CD163: variants seen among roughly 807,000 people sequenced by gnomAD.
The protein encoded by CD163 is CD163 molecule.
Under a neutral mutation model 129.2 loss-of-function variants are expected in CD163, and 64 were observed. The ratio of observed to expected loss-of-function variants is 0.50; its 90% confidence interval spans 0.41 to 0.61. The LOEUF (loss-of-function observed/expected upper bound fraction) is 0.61. Ranked by LOEUF, CD163 falls within the 20% of genes least tolerant of loss-of-function variation. The pLI is 0.00. For missense variants in CD163, 1,061 were observed against 1,377.9 expected (o/e 0.77, Z 3.64); for synonymous variants, 446 against 478.5 (o/e 0.93, Z 0.89).
At chr12:7,478,656 T>C (rs776431830) in intron 16 of CD163, among the ~76,000 whole-genome samples, 1 of 152,060 alleles carries the variant, frequency 6.6e-6, no homozygotes, top group Non-Finnish European at 1.5e-5. Flanking sequence ...CTGCATTTTA[T>C]AGATATTCAC....
chr12:7,487,083 A>G lies in CD163; in HGVS notation c.2051-97T>C. The G allele has an allele frequency of 2.1e-6, 2 of 975,238 alleles. No homozygotes were observed. The highest frequency in any genetic ancestry group is 1.6e-5 in the South Asian group (1 of 64,092). The allele number at this position is 975,238 out of a possible 1,614,324, so 60.4% of individuals were successfully genotyped here. A position where few individuals can be genotyped will look rare whatever the true frequency, so the allele number is the denominator to read the frequency against. ...TGAGTTGAGGACAAACATAGCTTAGAGAGAGAGGGGAAGGTGGATGGTCAA... is the reference window on the plus strand; with the variant it reads ...TGAGTTGAGGACAAACATAGCTTAGGGAGAGAGGGGAAGGTGGATGGTCAA... On this transcript the variant is annotated intron_variant, in intron 8 of 16. Transcript: ENST00000432237. This position sits in a 1 kb window ranked among gnomAD's most constrained non-coding sequence, Gnocchi z 5.1.
Position 7,487,547 on chromosome 12 carries a change from C to G in CD163, c.1862G>C (p.Cys621Ser). 1.9e-6 allele frequency: 3 copies of G among 1,614,124 alleles called. No homozygotes were observed. The highest frequency in any genetic ancestry group is 2.5e-6 in the Non-Finnish European group (3 of 1,180,016). The change falls in exon 8 of 17, where the codon TGC (cysteine) becomes TCC (serine). Residue 621 changes from cysteine (C) to serine (S), a missense_variant. Coordinates refer to ENST00000432237, the MANE Select transcript of CD163 (RefSeq NM_203416.4). The surrounding 1 kb of genome is among the most constrained non-coding windows in gnomAD (Gnocchi z 5.1). ...HWDIEDAHVL[C>S]QQLKCGVALS... ...GGCAACTCCACATTTAAGCTGCTGG[C>G]AAAGAACATGGGCATCTTCTATGTC...
intron 14 of CD163, 101 bp downstream of exon 14, chr12:7,482,542 G>T: frequency 7.6e-7 from 1 of 1,307,740 alleles, no homozygotes. Context: ...ACCTCTTTTA[G>T]AGTCCATCTT....
intron 11 of CD163, among the ~76,000 whole-genome samples, chr12:7,484,409 G>A (rs1273915515): frequency 6.6e-6 from 1 of 152,080 alleles, no homozygotes; most frequent in Non-Finnish European, 1.5e-5. Context: ...GGAGGCCAAG[G>A]CGGGTGGATC....
chr12:7,501,446 C>T lies in CD163; in HGVS notation c.150G>A (p.Glu50=), dbSNP rs1291466685. 2 of 1,613,554 alleles carry T rather than the reference C, an allele frequency of 1.2e-6. No individual in the cohort carries two copies. Among genetic ancestry groups the T allele is most frequent in the Non-Finnish European group, 1.7e-6 (2 of 1,179,746 alleles). ...VTSSLGGTDK[E]LRLVDGENKC... ...TGTTTTCACCATCCACTAGCCTCAG[C>T]TCCTTGTCTGTTCCTCCTGCAACAA... Residue 50 remains glutamate (E), a synonymous_variant, in exon 3 of 17, where the codon GAG becomes GAA. Coordinates refer to ENST00000432237, the MANE Select transcript of CD163 (RefSeq NM_203416.4).
At position 7,483,377 on chromosome 12, in the gene CD163, C is replaced by G; in HGVS notation, c.3078G>C (p.Val1026=). Residue 1026 remains valine, a synonymous_variant, in exon 12 of 17, where the codon GTG becomes GTC. Transcript: ENST00000432237. ...SECGHKEDAA[V]NCTDISVQKT... is the part of the protein sequence containing the mutation. ...GCTTCTGGCACTTACCTGTGCAATT[C>G]ACTGCAGCGTCTTCCTTGTGCCCAC... 1 of 1,612,360 alleles carries G rather than the reference C, an allele frequency of 6.2e-7. No individual in the cohort carries two copies. The highest frequency in any genetic ancestry group is 1.1e-5 in the South Asian group (1 of 90,798).
At position 7,487,248 on chromosome 12, in the gene CD163, T is replaced by C; in HGVS notation, c.2050+111A>G. The C allele has an allele frequency of 1.7e-6, 2 of 1,200,998 alleles. No individual in the cohort carries two copies. The highest frequency in any genetic ancestry group is 2.3e-6 in the Non-Finnish European group (2 of 875,518). The allele number at this position is 1,200,998 out of a possible 1,614,324, so 74.4% of individuals were successfully genotyped here. Reference sequence around the variant, plus strand: ...TAATATTCTGAAGCATGAATTAGTATTCATTCTTCTCATGACCCTTCAAAA... The same window carrying C: ...TAATATTCTGAAGCATGAATTAGTACTCATTCTTCTCATGACCCTTCAAAA... On this transcript the variant is annotated intron_variant, in intron 8 of 16. Coordinates refer to ENST00000432237, the MANE Select transcript of CD163 (RefSeq NM_203416.4). The surrounding 1 kb of genome is among the most constrained non-coding windows in gnomAD (Gnocchi z 5.1).
At position 7,499,155 on chromosome 12, in the gene CD163, C is replaced by A. The variant is rs1177042810; in HGVS notation, c.491G>T (p.Gly164Val). The change falls in exon 4 of 17, where the codon GGA becomes GTA. Residue 164 changes from glycine to valine, a missense_variant. Physicochemically the swap from Gly to Val is moderately radical, Grantham distance 109. Transcript: ENST00000432237. ...TATTCTTCCAGAACACATATTCCCT[C>A]CACGCGTCAGCCTCATTTCCAAATT... ...GSNLEMRLTR[G>V]GNMCSGRIEI... The A allele has an allele frequency of 6.2e-7, 1 of 1,612,916 alleles. No individual in the cohort carries two copies. The highest frequency in any genetic ancestry group is 1.7e-5 in the Admixed American group (1 of 60,022).
At chr12:7,483,182 T>G (rs1459504133) in intron 12 of CD163, 178 bp from the exon 13 acceptor site, 11 of 798,358 alleles carry the variant, frequency 1.4e-5, no homozygotes, top group Non-Finnish European at 2.2e-5. Context: ...TGTATGTGTC[T>G]CCTTGGTGAA....
At position 7,496,277 on chromosome 12, in the gene CD163, T is replaced by C. The variant is rs1949400270; in HGVS notation, c.1099+536A>G. On this transcript the variant is annotated intron_variant, in intron 5 of 16. Coordinates refer to ENST00000432237, the MANE Select transcript of CD163 (RefSeq NM_203416.4). This position sits in a 1 kb window ranked among gnomAD's most constrained non-coding sequence, Gnocchi z 4.8. ...TCACTCATAACTGGGAGTTGAACAATGAGAACACACGGACACAGGGAGGGG... is the reference window on the plus strand; with the variant it reads ...TCACTCATAACTGGGAGTTGAACAACGAGAACACACGGACACAGGGAGGGG... Among the ~76,000 whole-genome samples, 1 of 149,352 alleles carries C rather than the reference T, an allele frequency of 6.7e-6. No individual in the cohort carries two copies. Among genetic ancestry groups the C allele is most frequent in the Admixed American group, 6.7e-5 (1 of 14,936 alleles).
Position 7,480,778 on chromosome 12 carries a change from A to AT in CD163, c.3343+382dup, listed in dbSNP as rs971080006. 6 of 658,016 alleles carry AT rather than the reference A, an allele frequency of 9.1e-6. No individual in the cohort carries two copies. The African/African-American group carries it at 1.2e-4, about 13-fold the overall frequency. The allele number at this position is 658,016 out of a possible 1,614,324, so 40.8% of individuals were successfully genotyped here. A position where few individuals can be genotyped will look rare whatever the true frequency, so the allele number is the denominator to read the frequency against. On this transcript the variant is annotated intron_variant, in intron 15 of 16. Coordinates refer to ENST00000432237, the MANE Select transcript of CD163 (RefSeq NM_203416.4). ...AGTAAGCTTTTTACTATCTATATAC[A>AT]TCCCATAAAATCATGTTGTATACCT...
Position 7,485,298 on chromosome 12 carries a change from A to G in CD163, c.2577T>C (p.Thr859=). ...CCAGCTGCCTGCACACCACACCCAC[A>G]GTGGTTTCAGACATGCTACTCTTGC... is the stretch of plus-strand genomic sequence containing the variant. The part of the protein sequence containing the change: ...TVGKSSMSET[T]VGVVCRQLGC... The change falls in exon 11 of 17, where the codon ACT becomes ACC. Residue 859 remains threonine (T), a synonymous_variant. Transcript: ENST00000432237. The surrounding 1 kb of genome is among the most constrained non-coding windows in gnomAD (Gnocchi z 4.5). The G allele has an allele frequency of 1.9e-6, 3 of 1,614,166 alleles. No individual in the cohort carries two copies. Among genetic ancestry groups the G allele is most frequent in the Non-Finnish European group, 2.5e-6 (3 of 1,180,006 alleles).
rs765588984 is a variant in CD163, at chr12:7,486,938, G to A, written c.2099C>T (p.Pro700Leu). 17 of 1,614,004 alleles carry A rather than the reference G, an allele frequency of 1.1e-5. No individual in the cohort carries two copies. The highest frequency in any genetic ancestry group is 3.3e-5 in the Admixed American group (2 of 59,996). The change falls in exon 9 of 17, where the codon CCA becomes CTA. Residue 700 changes from proline (P) to leucine (L), a missense_variant. Pro to Leu is a moderately conservative substitution (Grantham distance 98). Transcript: ENST00000432237. ...TTCTTCTGGAATGGTAGGCCTTGTTGGGCCCAAAGACGATGAATTGCACGA... is the reference window on the plus strand; with the variant it reads ...TTCTTCTGGAATGGTAGGCCTTGTTAGGCCCAAAGACGATGAATTGCACGA... ...LSSCNSSSLG[P>L]TRPTIPEESA...
At position 7,487,556 on chromosome 12, in the gene CD163, TG is replaced by T. The variant is rs1456179485; in HGVS notation, c.1852del (p.His618MetfsTer47). ...CNSHWDIEDA[H>X]VLCQQLKCGV... Reference sequence around the variant, plus strand: ...ACATTTAAGCTGCTGGCAAAGAACATGGGCATCTTCTATGTCCCAGTGAGAG... The same window carrying T: ...ACATTTAAGCTGCTGGCAAAGAACATGGCATCTTCTATGTCCCAGTGAGAG... On this transcript the variant is annotated frameshift_variant, in exon 8 of 17. Coordinates refer to ENST00000432237, the MANE Select transcript of CD163 (RefSeq NM_203416.4). LOFTEE classifies it high-confidence loss of function. The surrounding 1 kb of genome is among the most constrained non-coding windows in gnomAD (Gnocchi z 5.1). The T allele has an allele frequency of 6.2e-7, 1 of 1,614,094 alleles. No individual in the cohort carries two copies. Among genetic ancestry groups the T allele is most frequent in the Non-Finnish European group, 8.5e-7 (1 of 1,180,014 alleles).
At chr12:7,502,430 C>G (rs1300876212) in intron 2 of CD163, 48 bp downstream of exon 2, 1 of 1,217,942 alleles carries the variant, frequency 8.2e-7, no homozygotes. Context: ...TTTAACTGTT[C>G]TTGTCAGAGT....
At chr12:7,486,063 A>T (rs1235271659) in intron 10 of CD163, among the ~76,000 whole-genome samples, 1 of 152,202 alleles carries the variant, frequency 6.6e-6, no homozygotes, top group Non-Finnish European at 1.5e-5. Context: ...ATGACAAGTA[A>T]GTCTCATTTA....
Position 7,479,572 on chromosome 12 carries a change from ATGATACC to A in CD163, c.*31+281_*31+287del, listed in dbSNP as rs1949134097. ...TAATATGTCTTATCTTTTTCCTGAA[ATGATACC>A]TGTAATGTCTTCAAAAGATTAATTT... On this transcript the variant is annotated intron_variant, in intron 16 of 16. Transcript: ENST00000432237. Among the ~76,000 whole-genome samples the A allele has an allele frequency of 7.2e-5, 11 of 152,236 alleles. No individual in the cohort carries two copies. In the South Asian group the frequency reaches 2.3e-3, roughly 32 times the overall value.
At chr12:7,484,976 T>C in intron 11 of CD163, 120 bp downstream of exon 11, 1 of 885,956 alleles carries the variant, frequency 1.1e-6, no homozygotes, top group South Asian at 1.6e-5. Flanking sequence ...CATTCTTGCT[T>C]AATTCAATCT....
Position 7,501,130 on chromosome 12 carries a change from A to T in CD163, c.457+9T>A, listed in dbSNP as rs116933274. 9.1e-3 allele frequency: 14,740 copies of T among 1,611,452 alleles called. 82 individuals are homozygous for T. The highest frequency in any genetic ancestry group is 0.011 in the Non-Finnish European group (12,703 of 1,177,902). On this transcript the variant is annotated intron_variant, in intron 3 of 16. Transcript: ENST00000432237. ...TTTGTGTTGAGGCTTTGACTAATGC[A>T]AGTCTTACCTGAGCAGGTCACTCCA...
Sources: allele counts gnomAD v4.1 joint callset (sites outside exome capture counted in the v4.1 genomes callset), GRCh38; gene constraint gnomAD v4.1.1; non-coding constraint Gnocchi (gnomAD v3.1); transcripts MANE v1.5; gene names NCBI Gene and HGNC (gene_info 2026-07-23, HGNC 2026-07-21).